Variants in KCNQ1 observed in about 807,000 individuals in gnomAD.
KCNQ1 encodes the protein potassium voltage-gated channel subfamily KQT member 1.
Under a neutral mutation model 72.4 loss-of-function variants are expected in KCNQ1, and 49 were observed. That is an observed-to-expected ratio of 0.68 (90% confidence interval 0.54 to 0.86). The LOEUF (loss-of-function observed/expected upper bound fraction) is 0.86. Among genes scored for constraint, KCNQ1 ranks in the 40% least tolerant of loss-of-function variants. KCNQ1 has a pLI of 0.00. For synonymous variants in KCNQ1, 450 were observed against 412.6 expected, an observed-to-expected ratio of 1.09 and a Z score of -1.10; for missense variants, 790 against 945.1, an observed-to-expected ratio of 0.84 and a Z score of 2.15.
rs766711823 is a variant in KCNQ1 at position 2,781,201 on chromosome 11, T to C, written c.1794+3164T>C. Among the ~76,000 whole-genome samples the C allele has an allele frequency of 1.6e-4, 24 of 152,346 alleles. No individual in the cohort carries two copies. In the South Asian group the frequency reaches 1.7e-3, roughly 11 times the overall value. ...GTCTTCTTTATCCTGGAGAGGACTC[T>C]TATTTGCTCAAATGCCCACATAAAT... is the stretch of plus-strand genomic sequence containing the variant. On this transcript the variant is annotated intron_variant, in intron 15 of 15. Coordinates refer to ENST00000155840, the MANE Select transcript of KCNQ1 (RefSeq NM_000218.3). This position sits in a 1 kb window ranked among gnomAD's most constrained non-coding sequence, Gnocchi z 6.6.
chr11:2,825,435 C>A (rs938206897), intron 15 of KCNQ1, among the ~76,000 whole-genome samples: 2 of 152,160 alleles, frequency 1.3e-5, no homozygotes, highest in African/African-American at 4.8e-5. Flanking sequence ...GCAAGCACCA[C>A]GCGGGGGGGT....
chr11:2,732,430 G>A (rs1414914109), intron 11 of KCNQ1, among the ~76,000 whole-genome samples: 3 of 152,196 alleles, frequency 2.0e-5, no homozygotes, highest in African/African-American at 7.2e-5. Flanking sequence ...GCTGGGCAGG[G>A]GACTCCTGGC....
chr11:2,516,918 C>T lies in KCNQ1; in HGVS notation c.387-11010C>T, dbSNP rs1263294209. ...GAGTTTGCCTGGTGTCACCGGGAAG[C>T]TTCCTGGCTGCCCGAGGGTCCCCCA... On this transcript the variant is annotated intron_variant, in intron 1 of 15. Transcript: ENST00000155840. This position sits in a 1 kb window ranked among gnomAD's most constrained non-coding sequence, Gnocchi z 7.0. Among the ~76,000 whole-genome samples the T allele has an allele frequency of 6.6e-6, 1 of 152,120 alleles. No individual in the cohort carries two copies. Among genetic ancestry groups the T allele is most frequent in the East Asian group, 1.9e-4 (1 of 5,178 alleles).
chr11:2,681,212 T>C (rs905170939), intron 11 of KCNQ1: 1 of 398,532 alleles, frequency 2.5e-6, no homozygotes, highest in Non-Finnish European at 4.4e-6. Flanking sequence ...TTGTGTTCTA[T>C]GAAGAGTGGG....
Position 2,733,844 on chromosome 11 carries a change from T to G in KCNQ1, c.1515-35000T>G, listed in dbSNP as rs1316633315. The stretch of plus-strand genomic sequence containing the variant: ...CTCACTCTCTCTCTCTCTCTCTCTC[T>G]CTCTCTCTCTCTCCCCCCCCACTTC... On this transcript the variant is annotated intron_variant, in intron 11 of 15. Transcript: ENST00000155840. 0.018 allele frequency among the ~76,000 whole-genome samples: 454 copies of G among 24,852 alleles called. 38 individuals are homozygous for G. In the Middle Eastern group the frequency reaches 0.19, roughly 11 times the overall value. 16.3% of individuals were successfully genotyped at this position (24,852 alleles called of 152,430 possible).
chr11:2,660,703 C>CCTTCATTCGGGCTTCATTCAACA (rs1415175886), intron 10 of KCNQ1: 7 of 398,632 alleles, frequency 1.8e-5, no homozygotes, highest in Middle Eastern at 6.3e-4. Context: ...GTGCTGACAA[C>CCTTCATTCGGGCTTCATTCAACA]CTTCATTCGG....
intron 6 of KCNQ1, among the ~76,000 whole-genome samples, chr11:2,578,569 G>T (rs1367014899): frequency 6.6e-6 from 1 of 152,244 alleles, no homozygotes; most frequent in Non-Finnish European, 1.5e-5. Flanking sequence ...GCCTGGGAGG[G>T]CGCCCTTGGC....
At chr11:2,732,400 A>G (rs1845871342) in intron 11 of KCNQ1, among the ~76,000 whole-genome samples, 1 of 151,920 alleles carries the variant, frequency 6.6e-6, no homozygotes, top group Non-Finnish European at 1.5e-5. Flanking sequence ...TCCTCTTTCC[A>G]CACTATTCCT....
chr11:2,696,983 T>G (rs1288311352), intron 11 of KCNQ1: 1 of 398,442 alleles, frequency 2.5e-6, no homozygotes, highest in African/African-American at 2.1e-5. Flanking sequence ...TTTTTTTCCA[T>G]GTAGCCCAGT....
rs376471403 is a variant in KCNQ1 at position 2,748,480 on chromosome 11, A to G, written c.1515-20364A>G. On this transcript the variant is annotated intron_variant, in intron 11 of 15. Coordinates refer to ENST00000155840, the MANE Select transcript of KCNQ1 (RefSeq NM_000218.3). This position sits in a 1 kb window ranked among gnomAD's most constrained non-coding sequence, Gnocchi z 6.2. ...GGCCCTCAGCACCTGATGCCAAACCAGGCTCCACTCTTCCTCCAGGTGAGC... is the reference window on the plus strand; with the variant it reads ...GGCCCTCAGCACCTGATGCCAAACCGGGCTCCACTCTTCCTCCAGGTGAGC... Among the ~76,000 whole-genome samples the G allele has an allele frequency of 9.6e-4, 146 of 152,262 alleles. No homozygotes were observed. The highest frequency in any genetic ancestry group is 3.4e-3 in the African/African-American group (141 of 41,566).
rs186389275 is a variant in KCNQ1, at chr11:2,835,239, G to A, written c.1795-12528G>A. Among the ~76,000 whole-genome samples the A allele has an allele frequency of 3.9e-4, 60 of 152,162 alleles. No homozygotes were observed. In the East Asian group the frequency reaches 0.01, roughly 26 times the overall value. On this transcript the variant is annotated intron_variant, in intron 15 of 15. Transcript: ENST00000155840. Reference sequence around the variant, plus strand: ...CTGGAGGGTGGGCAGGGCTCCCTGCGGCTGGGGTGGCCAGTGGCACCTGGC... The same window carrying A: ...CTGGAGGGTGGGCAGGGCTCCCTGCAGCTGGGGTGGCCAGTGGCACCTGGC...
chr11:2,507,153 T>C lies in KCNQ1; in HGVS notation c.387-20775T>C, dbSNP rs1847117698. On this transcript the variant is annotated intron_variant, in intron 1 of 15. Coordinates refer to ENST00000155840, the MANE Select transcript of KCNQ1 (RefSeq NM_000218.3). The surrounding 1 kb of genome is among the most constrained non-coding windows in gnomAD (Gnocchi z 5.4). ...CACCGAGGTTAAGGGGAATCCACTGTGTTTTCTTCTGGAGGTTTGGGGTCT... is the reference window on the plus strand; with the variant it reads ...CACCGAGGTTAAGGGGAATCCACTGCGTTTTCTTCTGGAGGTTTGGGGTCT... 6.6e-6 allele frequency among the ~76,000 whole-genome samples: 1 copy of C among 152,226 alleles called. No individual in the cohort carries two copies. Among genetic ancestry groups the C allele is most frequent in the Admixed American group, 6.5e-5 (1 of 15,286 alleles).
At chr11:2,574,858 C>T (rs1848397784) in intron 6 of KCNQ1, among the ~76,000 whole-genome samples, 2 of 152,234 alleles carry the variant, frequency 1.3e-5, no homozygotes, top group African/African-American at 4.8e-5. Context: ...TTCCTGGGGG[C>T]CTGTGTCCCC....
At chr11:2,835,397 TCACA>T (rs36227626) in intron 15 of KCNQ1, among the ~76,000 whole-genome samples, 46,325 of 130,292 alleles carry the variant, frequency 0.36, 7,187 homozygotes, top group Non-Finnish European at 0.41. Flanking sequence ...AAACCCTGAC[TCACA>T]CACACACACA....
Position 2,830,971 on chromosome 11 carries a change from G to A in KCNQ1, c.1795-16796G>A. Reference sequence around the variant, plus strand: ...TGCAGGTCTTGTCAAGGCAGGACAGGGAAGTGGTGATGATGAGAGGCAGCT... The same window carrying A: ...TGCAGGTCTTGTCAAGGCAGGACAGAGAAGTGGTGATGATGAGAGGCAGCT... On this transcript the variant is annotated intron_variant, in intron 15 of 15. Transcript: ENST00000155840. The surrounding 1 kb of genome is among the most constrained non-coding windows in gnomAD (Gnocchi z 7.7). Among the ~76,000 whole-genome samples, 1 of 152,244 alleles carries A rather than the reference G, an allele frequency of 6.6e-6. No individual in the cohort carries two copies. Among genetic ancestry groups the A allele is most frequent in the East Asian group, 1.9e-4 (1 of 5,196 alleles).
chr11:2,760,660 A>T (rs1214706592), intron 11 of KCNQ1, among the ~76,000 whole-genome samples: 1 of 152,176 alleles, frequency 6.6e-6, no homozygotes, highest in African/African-American at 2.4e-5. Flanking sequence ...CCTTCCTGCA[A>T]CCAGGGTCCA....
At chr11:2,702,638 C>A (rs1056763930) in intron 11 of KCNQ1, among the ~76,000 whole-genome samples, 1 of 152,198 alleles carries the variant, frequency 6.6e-6, no homozygotes, top group African/African-American at 2.4e-5. Context: ...CTTGCCTCCA[C>A]CCTCTACCTA....
In KCNQ1 at chr11:2,734,208, C is replaced by A. The variant is rs907590493; in HGVS notation, c.1515-34636C>A. On this transcript the variant is annotated intron_variant, in intron 11 of 15. Coordinates refer to ENST00000155840, the MANE Select transcript of KCNQ1 (RefSeq NM_000218.3). The surrounding 1 kb of genome is among the most constrained non-coding windows in gnomAD (Gnocchi z 7.0). ...TCCAAAGAATAAACGAATGAACCATCCAAAGCACAGGCCAGAGGCAGATTG... is the reference window on the plus strand; with the variant it reads ...TCCAAAGAATAAACGAATGAACCATACAAAGCACAGGCCAGAGGCAGATTG... Among the ~76,000 whole-genome samples, 4 of 152,176 alleles carry A rather than the reference C, an allele frequency of 2.6e-5. No homozygotes were observed. The highest frequency in any genetic ancestry group is 5.9e-5 in the Non-Finnish European group (4 of 68,024).
At chr11:2,823,180 C>T (rs1285728022) in intron 15 of KCNQ1, among the ~76,000 whole-genome samples, 1 of 152,132 alleles carries the variant, frequency 6.6e-6, no homozygotes, top group Non-Finnish European at 1.5e-5. Context: ...ATAAAGACAA[C>T]ATTCTAGAAT....
Sources: gnomAD v4.1 joint callset for allele counts (sites outside exome capture counted in the v4.1 genomes callset) on GRCh38, gnomAD v4.1.1 for gene constraint, Gnocchi (gnomAD v3.1) non-coding constraint, MANE v1.5 for transcripts, NCBI Gene and HGNC (gene_info 2026-07-23, HGNC 2026-07-21) for gene names.